The following EFHC2 variants were observed in gnomAD, a reference collection of about 807,000 sequenced individuals.
EFHC2 encodes EF-hand domain containing 2, also known as EF-hand domain-containing family member C2.
EFHC2 carries 18 observed loss-of-function variants against 52.7 expected under a neutral mutation model. The observed-to-expected ratio is 0.34, with a 90% CI of 0.24 to 0.51. EFHC2 has a LOEUF of 0.51. EFHC2 is among the 20% of genes least tolerant of loss of function. The pLI, the probability that EFHC2 is intolerant of heterozygous loss-of-function variation, is 0.97. For synonymous variants in EFHC2, 203 were observed against 204.1 expected, an observed-to-expected ratio of 0.99 and a Z score of 0.04; for missense variants, 513 against 562.5, an observed-to-expected ratio of 0.91 and a Z score of 0.89.
At chrX:44,169,401 G>A (rs1252025097) in intron 13 of EFHC2, among the ~76,000 whole-genome samples, 1 of 110,751 alleles carries the variant, frequency 9.0e-6, no homozygotes, top group Non-Finnish European at 1.9e-5. Flanking sequence ...TCAGCCTACT[G>A]GGTAACTGCG....
intron 1 of EFHC2, among the ~76,000 whole-genome samples, chrX:44,323,172 C>T (rs755692883): frequency 6.2e-5 from 7 of 112,343 alleles, no homozygotes; most frequent in Non-Finnish European, 1.3e-4. Flanking sequence ...GATCTTCATT[C>T]CTGGGTTAAA....
At position 44,272,843 on chromosome X, in the gene EFHC2, G is replaced by T. The variant is rs929859540; in HGVS notation, c.232-7C>A. ...AGGCATCAAAAGATAATACCTGTTG[G>T]AATAATAATTAGAAACTAAGAAATG... On this transcript the variant is annotated splice_region_variant and splice_polypyrimidine_tract_variant and intron_variant, in intron 2 of 14. Coordinates refer to ENST00000420999, the MANE Select transcript of EFHC2 (RefSeq NM_025184.4). 7.0e-6 allele frequency: 8 copies of T among 1,137,964 alleles called. No individual in the cohort carries two copies. The highest frequency in any genetic ancestry group is 8.2e-6 in the Non-Finnish European group (7 of 855,918). 93.8% of individuals were successfully genotyped at this position (1,137,964 alleles called of 1,213,427 possible).
At chrX:44,227,211 C>T (rs2037240192) in intron 11 of EFHC2, among the ~76,000 whole-genome samples, 2 of 111,171 alleles carry the variant, frequency 1.8e-5, no homozygotes, top group African/African-American at 3.3e-5. Flanking sequence ...CACACACATA[C>T]GCATACATAA....
chrX:44,205,552 A>T (rs890978326), intron 11 of EFHC2, among the ~76,000 whole-genome samples: 2 of 111,529 alleles, frequency 1.8e-5, no homozygotes, highest in African/African-American at 6.5e-5. Flanking sequence ...GAGCAGAGGT[A>T]GCTATTTTTG....
At chrX:44,184,825 T>C (rs1009277582) in intron 11 of EFHC2, among the ~76,000 whole-genome samples, 3 of 110,219 alleles carry the variant, frequency 2.7e-5, no homozygotes, top group African/African-American at 3.3e-5. Context: ...CATCACACTC[T>C]AACGGTATAT....
At chrX:44,283,243 T>C (rs1376726042) in intron 2 of EFHC2, among the ~76,000 whole-genome samples, 5 of 111,702 alleles carry the variant, frequency 4.5e-5, no homozygotes, top group Admixed American at 9.4e-5. Flanking sequence ...AGTGCAGTGG[T>C]ACGATCTCAG....
At chrX:44,283,294 T>C (rs1299558986) in intron 2 of EFHC2, among the ~76,000 whole-genome samples, 2 of 111,607 alleles carry the variant, frequency 1.8e-5, no homozygotes, top group African/African-American at 6.5e-5. Flanking sequence ...GCCATTCTCC[T>C]GGCTCAGCCT....
At chrX:44,160,713 A>G (rs1375626697) in intron 14 of EFHC2, among the ~76,000 whole-genome samples, 2 of 111,655 alleles carry the variant, frequency 1.8e-5, no homozygotes, top group African/African-American at 6.5e-5. Context: ...CAAAGTCAGG[A>G]GTTCAAGACC....
chrX:44,271,460 C>G (rs1009752902), intron 3 of EFHC2, among the ~76,000 whole-genome samples: 1 of 111,200 alleles, frequency 9.0e-6, no homozygotes, highest in African/African-American at 3.3e-5. Flanking sequence ...AAGACAATTT[C>G]AGAGACTGAG....
intron 11 of EFHC2, among the ~76,000 whole-genome samples, chrX:44,203,819 G>A (rs2037025378): frequency 9.0e-6 from 1 of 110,699 alleles, no homozygotes; most frequent in African/African-American, 3.3e-5. Flanking sequence ...TTGAACTCCT[G>A]GCCTCAAGTA....
At position 44,218,682 on chromosome X, in the gene EFHC2, A is replaced by T. The variant is rs188475742; in HGVS notation, c.1751+10967T>A. 2.7e-5 allele frequency among the ~76,000 whole-genome samples: 3 copies of T among 112,373 alleles called. No individual in the cohort carries two copies. The East Asian group carries it at 8.4e-4, about 31-fold the overall frequency. The stretch of plus-strand genomic sequence containing the variant: ...AGGCGACTTTGAGCCAGCCGAAGGC[A>T]TCTTAAACAGATCACAGAAAGCAAC... On this transcript the variant is annotated intron_variant, in intron 11 of 14. Transcript: ENST00000420999.
intron 11 of EFHC2, among the ~76,000 whole-genome samples, chrX:44,226,391 C>T (rs1003857193): frequency 1.8e-5 from 2 of 110,676 alleles, no homozygotes; most frequent in African/African-American, 6.6e-5. Context: ...TGGGAGAGGT[C>T]GAGAGAGGGG....
intron 2 of EFHC2, among the ~76,000 whole-genome samples, chrX:44,292,100 G>GA (rs1305309777): frequency 9.0e-6 from 1 of 110,883 alleles, no homozygotes; most frequent in Non-Finnish European, 1.9e-5. Flanking sequence ...AAATACAAAA[G>GA]AAAAACACCT....
chrX:44,177,587 T>C (rs1046707539), intron 12 of EFHC2, among the ~76,000 whole-genome samples: 4 of 112,276 alleles, frequency 3.6e-5, no homozygotes, highest in Non-Finnish European at 7.5e-5. Flanking sequence ...CATCCAGTTG[T>C]ATGTAACAAT....
At chrX:44,237,242 T>C (rs1032202026) in intron 8 of EFHC2, among the ~76,000 whole-genome samples, 1 of 111,588 alleles carries the variant, frequency 9.0e-6, no homozygotes, top group Non-Finnish European at 1.9e-5. Flanking sequence ...CCCCAGAAGA[T>C]TCTGATAAGG....
chrX:44,249,048 T>C, intron 5 of EFHC2, 132 bp from the exon 6 acceptor site: 2 of 391,295 alleles, frequency 5.1e-6, no homozygotes, highest in Non-Finnish European at 8.8e-6. Context: ...AATTAACTAA[T>C]GTTGGCACAC....
At chrX:44,181,874 G>A (rs910536934) in intron 11 of EFHC2, among the ~76,000 whole-genome samples, 5 of 112,686 alleles carry the variant, frequency 4.4e-5, no homozygotes, top group African/African-American at 6.4e-5. Context: ...CCCCCGCCCT[G>A]TTAAACTTTA....
chrX:44,206,564 T>C (rs1042231124), intron 11 of EFHC2, among the ~76,000 whole-genome samples: 8 of 111,457 alleles, frequency 7.2e-5, no homozygotes, highest in African/African-American at 2.6e-4. Context: ...TATACACCAA[T>C]AACATTCAAG....
chrX:44,311,384 C>A (rs2037946795), intron 2 of EFHC2, among the ~76,000 whole-genome samples: 1 of 112,002 alleles, frequency 8.9e-6, no homozygotes, highest in South Asian at 3.7e-4. Flanking sequence ...AAAGTACTGC[C>A]AACCAATCCA....
Sources: allele counts gnomAD v4.1 joint callset (sites outside exome capture counted in the v4.1 genomes callset), GRCh38; gene constraint gnomAD v4.1.1; transcripts MANE v1.5; gene names NCBI Gene and HGNC (gene_info 2026-07-23, HGNC 2026-07-21).